The following MAN2A1 variants were observed in gnomAD, a reference collection of about 807,000 sequenced individuals.
The protein encoded by MAN2A1 is alpha-mannosidase 2.
Under a neutral mutation model 142.6 loss-of-function variants are expected in MAN2A1, and 76 were observed. That is an observed-to-expected ratio of 0.53 (90% confidence interval 0.44 to 0.65). The LOEUF (loss-of-function observed/expected upper bound fraction) is 0.65. Ranked by LOEUF, MAN2A1 falls within the 30% of genes least tolerant of loss-of-function variation. The pLI, the probability that MAN2A1 is intolerant of heterozygous loss-of-function variation, is 0.00. For synonymous variants in MAN2A1, 559 were observed against 473.2 expected (o/e 1.18, Z -2.35); for missense variants, 1,311 against 1,365.1 (o/e 0.96, Z 0.62).
chr5:109,845,205 A>C (rs9326784), intron 17 of MAN2A1, among the ~76,000 whole-genome samples: 12,533 of 152,220 alleles, frequency 0.082, 593 homozygotes, highest in African/African-American at 0.14. Context: ...GCTTAGAGTC[A>C]GTCACTGTGA....
chr5:109,751,739 C>A (rs75198271), intron 4 of MAN2A1, among the ~76,000 whole-genome samples: 2,810 of 152,128 alleles, frequency 0.018, 34 homozygotes, highest in Middle Eastern at 0.071. Context: ...CTTTATTACT[C>A]TTCTCTAGAC....
At chr5:109,701,818 A>G (rs750019804) in intron 1 of MAN2A1, among the ~76,000 whole-genome samples, 1 of 152,178 alleles carries the variant, frequency 6.6e-6, no homozygotes, top group East Asian at 1.9e-4. Flanking sequence ...AATTTCTCCT[A>G]CCTTTTTCCA....
At chr5:109,739,983 A>G (rs1214789611) in intron 4 of MAN2A1, among the ~76,000 whole-genome samples, 1 of 152,228 alleles carries the variant, frequency 6.6e-6, no homozygotes, top group Non-Finnish European at 1.5e-5. Context: ...CATTCCTCAC[A>G]GCACCTTGCA....
rs924588691 is a variant in MAN2A1, at chr5:109,867,809, A to T, written c.*811A>T. 1.3e-5 allele frequency: 2 copies of T among 152,268 alleles called. No individual in the cohort carries two copies. The highest frequency in any genetic ancestry group is 1.3e-4 in the Admixed American group (2 of 15,280). 9.4% of individuals were successfully genotyped at this position (152,268 alleles called of 1,614,324 possible). On this transcript the variant is annotated 3_prime_UTR_variant, in exon 22 of 22. Coordinates refer to ENST00000261483, the MANE Select transcript of MAN2A1 (RefSeq NM_002372.4). The stretch of plus-strand genomic sequence containing the variant: ...TGTTCTGAGAAGGGGTTTCTATTTT[A>T]AAATTACCATATCAAAATAAATGTG...
intron 13 of MAN2A1, among the ~76,000 whole-genome samples, chr5:109,819,451 A>G (rs1196139440): frequency 1.3e-5 from 2 of 152,112 alleles, no homozygotes; most frequent in Non-Finnish European, 2.9e-5. Flanking sequence ...ATTATACTAT[A>G]GTTTTTATTT....
At chr5:109,733,937 G>A (rs940210699) in intron 4 of MAN2A1, among the ~76,000 whole-genome samples, 32 of 152,140 alleles carry the variant, frequency 2.1e-4, no homozygotes, top group African/African-American at 5.3e-4. Flanking sequence ...AGAAGGAATG[G>A]TACCAGTTCC....
chr5:109,765,970 T>C (rs1379540665), intron 5 of MAN2A1, among the ~76,000 whole-genome samples: 2 of 152,084 alleles, frequency 1.3e-5, no homozygotes, highest in Non-Finnish European at 2.9e-5. Flanking sequence ...TTTTTCTTTG[T>C]AAAATGATTG....
chr5:109,780,802 G>C (rs1467110125), intron 8 of MAN2A1, among the ~76,000 whole-genome samples: 1 of 151,972 alleles, frequency 6.6e-6, no homozygotes, highest in Non-Finnish European at 1.5e-5. Context: ...AGCACTCCTT[G>C]GATTTAACTT....
chr5:109,704,737 C>T (rs929120458), intron 1 of MAN2A1, among the ~76,000 whole-genome samples: 8 of 152,144 alleles, frequency 5.3e-5, no homozygotes, highest in African/African-American at 1.9e-4. Flanking sequence ...ACGATGACAC[C>T]CCTGCTGGAA....
Position 109,819,908 on chromosome 5 carries a change from A to AG in MAN2A1, c.2328+21_2328+22insG, listed in dbSNP as rs757719197. Reference sequence around the variant, plus strand: ...TGAAGGTATGTTCTGAATAGTTCTAAAATTCATAGAATGCTTATCATTTTT... The same window carrying AG: ...TGAAGGTATGTTCTGAATAGTTCTAAGAATTCATAGAATGCTTATCATTTTT... On this transcript the variant is annotated intron_variant, in intron 14 of 21. Coordinates refer to ENST00000261483, the MANE Select transcript of MAN2A1 (RefSeq NM_002372.4). 6.9e-6 allele frequency: 10 copies of AG among 1,451,100 alleles called. No homozygotes were observed. In the East Asian group the frequency reaches 2.3e-4, roughly 34 times the overall value. 89.9% of individuals were successfully genotyped at this position (1,451,100 alleles called of 1,614,324 possible).
At chr5:109,776,545 C>A (rs1753298025) in intron 8 of MAN2A1, among the ~76,000 whole-genome samples, 1 of 151,986 alleles carries the variant, frequency 6.6e-6, no homozygotes, top group Non-Finnish European at 1.5e-5. Context: ...AAAAATTAGA[C>A]CCTGATTTTA....
intron 12 of MAN2A1, among the ~76,000 whole-genome samples, chr5:109,807,384 A>G (rs554785970): frequency 1.3e-5 from 2 of 152,326 alleles, no homozygotes; most frequent in East Asian, 1.9e-4. Flanking sequence ...ACTTAATTCT[A>G]CTAAAAAATA....
chr5:109,749,218 C>T (rs914207208), intron 4 of MAN2A1, among the ~76,000 whole-genome samples: 1 of 152,068 alleles, frequency 6.6e-6, no homozygotes, highest in Non-Finnish European at 1.5e-5. Context: ...GAGAAAAGCT[C>T]TTTGAGTGTG....
At chr5:109,766,224 T>C (rs1582875638) in intron 5 of MAN2A1, among the ~76,000 whole-genome samples, 1 of 152,168 alleles carries the variant, frequency 6.6e-6, no homozygotes, top group Non-Finnish European at 1.5e-5. Flanking sequence ...TTACTTATCT[T>C]ACTGTGAAAA....
Position 109,817,453 on chromosome 5 carries a change from T to A in MAN2A1, c.2109+15T>A. 2 of 1,613,032 alleles carry A rather than the reference T, an allele frequency of 1.2e-6. No individual in the cohort carries two copies. The highest frequency in any genetic ancestry group is 1.7e-4 in the Middle Eastern group (1 of 6,046). ...CAGCCTATGAGGTATGTTGTAGCCA[T>A]AGAACTTAAGGAGGCATTGTAAAAC... On this transcript the variant is annotated intron_variant, in intron 13 of 21. Coordinates refer to ENST00000261483, the MANE Select transcript of MAN2A1 (RefSeq NM_002372.4).
In MAN2A1 at chr5:109,864,906, A is replaced by G. The variant is rs1755840556; in HGVS notation, c.3172-130A>G. Reference sequence around the variant, plus strand: ...GCAGTGAGCATGGACCTGAGGAGAAATGAATTTGCCTAACTTTCTTGCTAA... The same window carrying G: ...GCAGTGAGCATGGACCTGAGGAGAAGTGAATTTGCCTAACTTTCTTGCTAA... On this transcript the variant is annotated intron_variant, in intron 20 of 21. Transcript: ENST00000261483. The G allele has an allele frequency of 4.4e-6, 3 of 678,200 alleles. No homozygotes were observed. The East Asian group carries it at 8.1e-5, about 18-fold the overall frequency. 42.0% of individuals were successfully genotyped at this position (678,200 alleles called of 1,614,324 possible). A position where few individuals can be genotyped will look rare whatever the true frequency, so the allele number is the denominator to read the frequency against.
intron 18 of MAN2A1, among the ~76,000 whole-genome samples, chr5:109,847,074 A>G (rs1463138233): frequency 6.6e-6 from 1 of 152,132 alleles, no homozygotes; most frequent in Non-Finnish European, 1.5e-5. Flanking sequence ...TAAAATATTG[A>G]TACAATTTTT....
chr5:109,786,018 T>C (rs1753587217), intron 10 of MAN2A1, among the ~76,000 whole-genome samples: 1 of 152,132 alleles, frequency 6.6e-6, no homozygotes, highest in South Asian at 2.1e-4. Flanking sequence ...TGACTGGCTT[T>C]CTAGAAATTG....
At chr5:109,718,751 A>G (rs1751523809) in intron 3 of MAN2A1, among the ~76,000 whole-genome samples, 2 of 152,174 alleles carry the variant, frequency 1.3e-5, no homozygotes, top group Admixed American at 6.5e-5. Context: ...TCTCCTCACT[A>G]GAATGTTAGC....
Sources: allele counts gnomAD v4.1 joint callset (sites outside exome capture counted in the v4.1 genomes callset), GRCh38; gene constraint gnomAD v4.1.1; transcripts MANE v1.5; gene names NCBI Gene and HGNC (gene_info 2026-07-23, HGNC 2026-07-21).